Variants in SLC9A6 observed in about 807,000 individuals in gnomAD.
The protein encoded by SLC9A6 is solute carrier family 9 member A6, also known as sodium/hydrogen exchanger 6.
Under a neutral mutation model 45.3 loss-of-function variants are expected in SLC9A6, and 6 were observed. That is an observed-to-expected ratio of 0.13 (90% CI 0.07 to 0.26). The LOEUF (loss-of-function observed/expected upper bound fraction) is 0.26. Among genes scored for constraint, SLC9A6 ranks in the 10% least tolerant of loss-of-function variants. SLC9A6 has a pLI of 1.00. For missense variants in SLC9A6, 278 were observed against 503.7 expected, an observed-to-expected ratio of 0.55 and a Z score of 4.29; for synonymous variants, 191 against 187.7, an observed-to-expected ratio of 1.02 and a Z score of -0.14.
rs1603225858 is a variant in SLC9A6, at chrX:136,044,551, A to G, written c.1867A>G (p.Thr623Ala). ...GDSTVNTEPATSSAPRRFMGN... is the reference protein window; with the variant it reads ...GDSTVNTEPAASSAPRRFMGN... ...TTCTACTGTGAACACTGAACCGGCC[A>G]CATCCAGCGCCCCAAGGAGATTTAT... is the stretch of plus-strand genomic sequence containing the variant. The change falls in exon 18 of 18, where the codon ACA becomes GCA. Residue 623 changes from threonine (T) to alanine (A), a missense_variant. Physicochemically the swap from Thr to Ala is moderately conservative, Grantham distance 58. This residue lies in a region of SLC9A6 where 91 missense variants were observed against 125.1 expected (regional missense o/e 0.73). Transcript: ENST00000630721. The G allele has an allele frequency of 8.3e-7, 1 of 1,211,380 alleles. No individual in the cohort carries two copies. Among genetic ancestry groups the G allele is most frequent in the Non-Finnish European group, 1.1e-6 (1 of 895,118 alleles).
At chrX:136,020,579 C>T (rs1159734396) in intron 11 of SLC9A6, among the ~76,000 whole-genome samples, 1 of 111,582 alleles carries the variant, frequency 9.0e-6, no homozygotes, top group Admixed American at 9.6e-5. Flanking sequence ...CCATGTTGGC[C>T]ACTCTGGTCT....
rs781873474 is a variant in SLC9A6, at chrX:136,044,789, A to T, written c.*65A>T. 4.4e-5 allele frequency: 45 copies of T among 1,022,401 alleles called. No homozygotes were observed. Among genetic ancestry groups the T allele is most frequent in the Admixed American group, 8.8e-5 (4 of 45,398 alleles). The allele number at this position is 1,022,401 out of a possible 1,213,427, so 84.3% of individuals were successfully genotyped here. ...ATGTGATTGTGAAGAAATTTGTACT[A>T]CCTAAAAGTCCCAGTGCATGTCTCT... On this transcript the variant is annotated 3_prime_UTR_variant, in exon 18 of 18. Transcript: ENST00000630721.
chrX:135,978,390 G>A (rs1251086860), intron 1 of SLC9A6, among the ~76,000 whole-genome samples: 1 of 111,590 alleles, frequency 9.0e-6, no homozygotes, highest in Admixed American at 9.5e-5. Context: ...GGTGGCTCAC[G>A]CTTGTAATCC....
At chrX:135,984,652 G>A (rs2089305752), upstream of SLC9A6, among the ~76,000 whole-genome samples, 1 of 111,784 alleles carries the variant, frequency 8.9e-6, no homozygotes, top group Non-Finnish European at 1.9e-5. Flanking sequence ...AAAGAGGAGA[G>A]ATGAGAGATA....
intron 11 of SLC9A6, among the ~76,000 whole-genome samples, chrX:136,021,559 T>C (rs1171088895): frequency 8.9e-6 from 1 of 112,367 alleles, no homozygotes; most frequent in African/African-American, 3.2e-5. Flanking sequence ...AGGGTCTCGC[T>C]CTTGTCACCC....
chrX:136,012,209 G>A (rs2070937674), intron 8 of SLC9A6, among the ~76,000 whole-genome samples: 1 of 113,256 alleles, frequency 8.8e-6, no homozygotes, highest in South Asian at 3.6e-4. Context: ...GCCTTGTGCT[G>A]GAAGAGGCTT....
intron 2 of SLC9A6, among the ~76,000 whole-genome samples, chrX:135,986,482 G>A (rs1263625002): frequency 9.0e-6 from 1 of 111,199 alleles, no homozygotes; most frequent in Non-Finnish European, 1.9e-5. Flanking sequence ...ACCTGTGGTT[G>A]ACCCTTCCAA....
chrX:136,040,273 T>C (rs1156889064), intron 17 of SLC9A6, 92 bp downstream of exon 17: 4 of 686,074 alleles, frequency 5.8e-6, no homozygotes, highest in Non-Finnish European at 9.0e-6. Context: ...TTTTGGTTTG[T>C]TTTTTTGCCT....
chrX:135,998,205 A>G lies in SLC9A6; in HGVS notation c.447+20A>G, dbSNP rs2089532535. 1.1e-6 allele frequency: 1 copy of G among 938,058 alleles called. No individual in the cohort carries two copies. The highest frequency in any genetic ancestry group is 3.1e-5 in the East Asian group (1 of 32,593). The allele number at this position is 938,058 out of a possible 1,213,427, so 77.3% of individuals were successfully genotyped here. On this transcript the variant is annotated intron_variant, in intron 4 of 17. Coordinates refer to ENST00000630721, the MANE Select transcript of SLC9A6 (RefSeq NM_001379110.1). ...AAAAGGGTAAGTCCTTTTGTCTTTC[A>G]TATACTTTGAATAATCTTAAACTCA...
At chrX:136,006,212 CT>C (rs2089653782) in intron 7 of SLC9A6, among the ~76,000 whole-genome samples, 1 of 111,472 alleles carries the variant, frequency 9.0e-6, no homozygotes, top group Admixed American at 9.5e-5. Context: ...GAGGGAACCC[CT>C]TTTTGAAGGA....
chrX:136,035,373 C>A (rs2071396030), intron 16 of SLC9A6, among the ~76,000 whole-genome samples: 1 of 112,230 alleles, frequency 8.9e-6, no homozygotes, highest in African/African-American at 3.2e-5. Context: ...TTCTGACTTT[C>A]ATCAACATGG....
chrX:136,023,195 A>G (rs1303212048), intron 12 of SLC9A6, among the ~76,000 whole-genome samples: 4 of 45,287 alleles, frequency 8.8e-5, no homozygotes, highest in South Asian at 9.7e-4. Flanking sequence ...ATATATATAT[A>G]TATATATATA....
chrX:136,000,264 A>C (rs1170874368), intron 6 of SLC9A6, among the ~76,000 whole-genome samples: 1 of 100,806 alleles, frequency 9.9e-6, no homozygotes, highest in Non-Finnish European at 2.0e-5. Flanking sequence ...CAAAAAAAAA[A>C]AAAAAAAAAA....
chrX:135,981,113 G>A (rs1029061102), upstream of SLC9A6, among the ~76,000 whole-genome samples: 1 of 111,388 alleles, frequency 9.0e-6, no homozygotes, highest in Non-Finnish European at 1.9e-5. Flanking sequence ...CTGCTATAAC[G>A]AACTACCTGA....
At chrX:135,998,767 G>T in intron 5 of SLC9A6, 89 bp from the exon 6 acceptor site, 1 of 715,758 alleles carries the variant, frequency 1.4e-6, no homozygotes. Flanking sequence ...TAGTCACAAA[G>T]TACTACAGTA....
chrX:135,993,427 A>T (rs985196487), intron 2 of SLC9A6, among the ~76,000 whole-genome samples: 1 of 112,096 alleles, frequency 8.9e-6, no homozygotes, highest in Non-Finnish European at 1.9e-5. Context: ...TTTTAAAAGG[A>T]TAAACTTTTG....
At chrX:136,006,940 C>T (rs1193144960) in intron 7 of SLC9A6, among the ~76,000 whole-genome samples, 3 of 110,484 alleles carry the variant, frequency 2.7e-5, no homozygotes, top group African/African-American at 9.9e-5. Flanking sequence ...GGTCTTGGCT[C>T]ACTGCTACCT....
At chrX:136,040,404 G>A (rs1453595296) in intron 17 of SLC9A6, among the ~76,000 whole-genome samples, 4 of 111,807 alleles carry the variant, frequency 3.6e-5, no homozygotes, top group African/African-American at 1.3e-4. Context: ...ATATAGAATC[G>A]TGCCTCATCT....
chrX:136,041,993 G>A (rs1316445186), intron 17 of SLC9A6, among the ~76,000 whole-genome samples: 2 of 109,946 alleles, frequency 1.8e-5, no homozygotes, highest in Non-Finnish European at 3.8e-5. Context: ...GCCTACTTCC[G>A]TGTCCAAATT....
Sources: allele counts gnomAD v4.1 joint callset (sites outside exome capture counted in the v4.1 genomes callset), GRCh38; gene constraint gnomAD v4.1.1; regional missense constraint gnomAD v4.1.1; transcripts MANE v1.5; gene names NCBI Gene and HGNC (gene_info 2026-07-23, HGNC 2026-07-21).